The following PTPRD variants were observed in gnomAD, a reference collection of about 807,000 sequenced individuals.
PTPRD encodes protein tyrosine phosphatase receptor type D, also known as receptor-type tyrosine-protein phosphatase delta.
A neutral mutation model predicts 214.5 loss-of-function variants in PTPRD; 34 were observed. The ratio of observed to expected loss-of-function variants is 0.16; its 90% CI spans 0.12 to 0.21. PTPRD has a LOEUF of 0.21. Among genes scored for constraint, PTPRD ranks in the 10% least tolerant of loss-of-function variants. PTPRD has a pLI of 1.00. For missense variants in PTPRD, 2,545 were observed against 2,398.7 expected, an observed-to-expected ratio of 1.06 and a Z score of -1.27; for synonymous variants, 1,128 against 845.7, an observed-to-expected ratio of 1.33 and a Z score of -5.79.
At chr9:8,557,758 A>T (rs891242296) in intron 14 of PTPRD, among the ~76,000 whole-genome samples, 5 of 134,422 alleles carry the variant, frequency 3.7e-5, no homozygotes, top group Non-Finnish European at 6.0e-5. Flanking sequence ...AAAAAAAAAA[A>T]AAAAAAAAAG....
chr9:9,802,090 T>C (rs766637600), intron 5 of PTPRD, among the ~76,000 whole-genome samples: 1 of 152,044 alleles, frequency 6.6e-6, no homozygotes, highest in Non-Finnish European at 1.5e-5. Flanking sequence ...GCGACTCAAG[T>C]TGCTTAAGGT....
intron 11 of PTPRD, among the ~76,000 whole-genome samples, chr9:9,013,022 C>T (rs2099518135): frequency 6.6e-6 from 1 of 151,984 alleles, no homozygotes; most frequent in Admixed American, 6.6e-5. Flanking sequence ...ATGACACTAA[C>T]AGGGGCAGAA....
chr9:10,154,585 T>C (rs1388763454), intron 3 of PTPRD, among the ~76,000 whole-genome samples: 1 of 152,192 alleles, frequency 6.6e-6, no homozygotes, highest in Non-Finnish European at 1.5e-5. Flanking sequence ...CCAGAGTTTT[T>C]ATAATTTTGG....
At chr9:10,164,505 G>T (rs2099147272) in intron 3 of PTPRD, among the ~76,000 whole-genome samples, 1 of 151,456 alleles carries the variant, frequency 6.6e-6, no homozygotes, top group African/African-American at 2.4e-5. Flanking sequence ...ACAAGGGGCA[G>T]TATGGAAGAT....
intron 11 of PTPRD, among the ~76,000 whole-genome samples, chr9:9,007,411 A>G (rs2099481041): frequency 6.6e-6 from 1 of 151,804 alleles, no homozygotes; most frequent in Admixed American, 6.6e-5. Flanking sequence ...AATCTAAGAG[A>G]AAAAATGTGT....
intron 3 of PTPRD, among the ~76,000 whole-genome samples, chr9:10,276,714 G>A (rs1279329695): frequency 6.6e-6 from 1 of 152,142 alleles, no homozygotes; most frequent in Non-Finnish European, 1.5e-5. Context: ...CTTATGGCTG[G>A]CAATAATAGG....
At chr9:10,031,647 T>TATATACACAC in intron 4 of PTPRD, among the ~76,000 whole-genome samples, 13 of 89,636 alleles carry the variant, frequency 1.5e-4, no homozygotes, top group African/African-American at 9.7e-4. Context: ...TATATATATA[T>TATATACACAC]ACACACACAC....
intron 5 of PTPRD, among the ~76,000 whole-genome samples, chr9:9,783,977 G>T (rs1343025638): frequency 6.6e-6 from 1 of 151,588 alleles, no homozygotes; most frequent in Non-Finnish European, 1.5e-5. Flanking sequence ...TAAATAGTGG[G>T]GAAAAAATTC....
intron 12 of PTPRD, among the ~76,000 whole-genome samples, chr9:8,704,820 C>T (rs574086484): frequency 7.3e-5 from 11 of 151,332 alleles, no homozygotes; most frequent in African/African-American, 1.7e-4. Flanking sequence ...CTACTTGGGA[C>T]GCTGAGGCAG....
At chr9:9,458,903 G>A (rs183465815) in intron 8 of PTPRD, among the ~76,000 whole-genome samples, 67 of 152,162 alleles carry the variant, frequency 4.4e-4, no homozygotes, top group African/African-American at 1.3e-3. Flanking sequence ...TTGCACCACC[G>A]CAATCCAGGC....
At chr9:10,400,802 C>T (rs906734891) in intron 2 of PTPRD, among the ~76,000 whole-genome samples, 2 of 151,490 alleles carry the variant, frequency 1.3e-5, no homozygotes, top group African/African-American at 4.8e-5. Context: ...TCCCTCATAA[C>T]CAATGATCTG....
At chr9:9,803,253 GAA>G (rs570067434) in intron 5 of PTPRD, among the ~76,000 whole-genome samples, 1 of 114,290 alleles carries the variant, frequency 8.7e-6, no homozygotes, top group African/African-American at 3.3e-5. Context: ...TGATAAAAAA[GAA>G]AAAAAAAAAA....
chr9:10,505,226 G>A (rs1003230887), intron 2 of PTPRD, among the ~76,000 whole-genome samples: 2 of 152,168 alleles, frequency 1.3e-5, no homozygotes, highest in Non-Finnish European at 2.9e-5. Context: ...CAGCTTATCT[G>A]AGGTATTGCA....
At chr9:8,566,741 T>C (rs931595201) in intron 14 of PTPRD, among the ~76,000 whole-genome samples, 7 of 152,198 alleles carry the variant, frequency 4.6e-5, no homozygotes, top group African/African-American at 1.7e-4. Flanking sequence ...CCATTGTGAA[T>C]TACCCAGAAA....
chr9:10,419,155 T>G (rs1156679299), intron 2 of PTPRD, among the ~76,000 whole-genome samples: 3 of 151,926 alleles, frequency 2.0e-5, no homozygotes, highest in African/African-American at 7.2e-5. Context: ...AAACCACTTG[T>G]GTAAAAATCA....
intron 33 of PTPRD, among the ~76,000 whole-genome samples, chr9:8,453,368 GT>G: frequency 6.6e-6 from 1 of 152,138 alleles, no homozygotes; most frequent in South Asian, 2.1e-4. Flanking sequence ...GTTTCGCCGT[GT>G]TAGTCAGGAT....
chr9:10,133,624 A>G (rs1368552469), intron 3 of PTPRD, among the ~76,000 whole-genome samples: 1 of 152,134 alleles, frequency 6.6e-6, no homozygotes. Flanking sequence ...TATGAAATAT[A>G]ACTATAAGTC....
chr9:10,547,523 A>G (rs1182306657), intron 2 of PTPRD, among the ~76,000 whole-genome samples: 1 of 152,042 alleles, frequency 6.6e-6, no homozygotes, highest in Admixed American at 6.6e-5. Context: ...CTGTGAGATT[A>G]AAAAAATCTC....
chr9:8,809,355 G>T (rs1212145338), intron 11 of PTPRD, among the ~76,000 whole-genome samples: 2 of 152,060 alleles, frequency 1.3e-5, no homozygotes, highest in Non-Finnish European at 2.9e-5. Flanking sequence ...GTAGAAATTG[G>T]CATCTGCATC....
Sources: allele counts gnomAD v4.1 joint callset (sites outside exome capture counted in the v4.1 genomes callset), GRCh38; gene constraint gnomAD v4.1.1; transcripts MANE v1.5; gene names NCBI Gene and HGNC (gene_info 2026-07-23, HGNC 2026-07-21).